The following WDFY3 variants were observed in gnomAD, a reference collection of about 807,000 sequenced individuals.
WDFY3 encodes WD repeat and FYVE domain-containing protein 3.
A neutral mutation model predicts 409.6 loss-of-function variants in WDFY3; 66 were observed. The ratio of observed to expected loss-of-function variants is 0.16; its 90% CI spans 0.13 to 0.20. The LOEUF (loss-of-function observed/expected upper bound fraction) is 0.20, where lower values mean the gene tolerates loss of function less well. WDFY3 is among the 10% of genes least tolerant of loss of function. The pLI is 1.00. For synonymous variants in WDFY3, 1,521 were observed against 1,537.1 expected (o/e 0.99, Z 0.25); for missense variants, 3,031 against 4,298.1 (o/e 0.71, Z 8.24).
intron 44 of WDFY3, among the ~76,000 whole-genome samples, chr4:84,729,679 T>C (rs1736257757): frequency 2.4e-5 from 1 of 42,256 alleles, no homozygotes; most frequent in Non-Finnish European, 5.8e-5. Flanking sequence ...AATAAAACTT[T>C]AATGAGTAAA....
chr4:84,835,096 G>A (rs1044674487), intron 7 of WDFY3, among the ~76,000 whole-genome samples: 1 of 152,080 alleles, frequency 6.6e-6, no homozygotes, highest in African/African-American at 2.4e-5. Context: ...GTCCCTTTTG[G>A]CCTTAATATT....
intron 3 of WDFY3, among the ~76,000 whole-genome samples, chr4:84,877,994 C>T (rs1015524536): frequency 6.6e-6 from 1 of 152,072 alleles, no homozygotes. Context: ...TAGAAGACAA[C>T]TTTGTTTTTT....
rs71670882 is a variant in WDFY3, at chr4:84,784,858, G to GTATA, written c.4062+1117_4062+1120dup. ...CATCTCAAAAAAAAAAAGTGTATAT[G>GTATA]TATATATATATATATATATATATAT... On this transcript the variant is annotated intron_variant, in intron 24 of 67. Coordinates refer to ENST00000295888, the MANE Select transcript of WDFY3 (RefSeq NM_014991.6). Among the ~76,000 whole-genome samples, 338 of 88,950 alleles carry GTATA rather than the reference G, an allele frequency of 3.8e-3. 5 individuals are homozygous for GTATA. Among genetic ancestry groups the GTATA allele is most frequent in the African/African-American group, 0.014 (272 of 20,024 alleles). The allele number at this position is 88,950 out of a possible 152,430, so 58.4% of individuals were successfully genotyped here.
intron 3 of WDFY3, among the ~76,000 whole-genome samples, chr4:84,895,561 GA>G (rs1160023698): frequency 4.6e-5 from 7 of 152,270 alleles, no homozygotes; most frequent in African/African-American, 1.7e-4. Context: ...GGCTTGCAGA[GA>G]AAAGCCAGTC....
intron 58 of WDFY3, among the ~76,000 whole-genome samples, chr4:84,695,626 C>T (rs1033809842): frequency 9.9e-5 from 15 of 151,798 alleles, no homozygotes; most frequent in Non-Finnish European, 2.9e-5. Flanking sequence ...CATGTCATTT[C>T]TCTGCCTAAA....
intron 1 of WDFY3, among the ~76,000 whole-genome samples, chr4:84,956,456 G>A (rs1416442615): frequency 6.6e-6 from 1 of 152,186 alleles, no homozygotes; most frequent in East Asian, 1.9e-4. Context: ...AAGAACAAGT[G>A]TCTTTTAATT....
intron 2 of WDFY3, among the ~76,000 whole-genome samples, chr4:84,920,201 A>T (rs1769091937): frequency 6.6e-6 from 1 of 152,214 alleles, no homozygotes. Flanking sequence ...AACGCAAGAT[A>T]TGATCATTGA....
chr4:84,755,196 C>G (rs1261944073), intron 34 of WDFY3, 70 bp downstream of exon 34: 2 of 1,575,078 alleles, frequency 1.3e-6, no homozygotes, highest in Non-Finnish European at 1.7e-6. Context: ...CCAAAAAATT[C>G]CTCTATTTAC....
intron 1 of WDFY3, among the ~76,000 whole-genome samples, chr4:84,950,319 G>A (rs535755450): frequency 3.8e-4 from 58 of 151,834 alleles, no homozygotes; most frequent in African/African-American, 1.4e-3. Context: ...AAACCTAGAT[G>A]ATGGGTTAAT....
chr4:84,784,942 C>G (rs1282531156), intron 24 of WDFY3, among the ~76,000 whole-genome samples: 2 of 144,900 alleles, frequency 1.4e-5, no homozygotes, highest in African/African-American at 2.6e-5. Flanking sequence ...AATCTGATCA[C>G]TTCTTATCAC....
chr4:84,819,109 GTCTA>G (rs1180622196), intron 12 of WDFY3, among the ~76,000 whole-genome samples: 3 of 152,008 alleles, frequency 2.0e-5, no homozygotes, highest in Non-Finnish European at 4.4e-5. Context: ...ATTCATTCAA[GTCTA>G]TCTTAGCATT....
Position 84,959,648 on chromosome 4 carries a change from T to C in WDFY3, c.-226+6561A>G, listed in dbSNP as rs568855101. On this transcript the variant is annotated intron_variant, in intron 1 of 67. Coordinates refer to ENST00000295888, the MANE Select transcript of WDFY3 (RefSeq NM_014991.6). ...ACAGCATTTACTCAAGCTGAGGAGA[T>C]AGGAGAAGAAAATACATTTTGGAAG... is the stretch of plus-strand genomic sequence containing the variant. 3.9e-5 allele frequency among the ~76,000 whole-genome samples: 6 copies of C among 152,242 alleles called. No homozygotes were observed. The South Asian group carries it at 8.3e-4, about 21-fold the overall frequency.
At chr4:84,831,313 G>A in intron 8 of WDFY3, 100 bp downstream of exon 8, 2 of 951,214 alleles carry the variant, frequency 2.1e-6, no homozygotes, top group Non-Finnish European at 2.8e-6. Flanking sequence ...TTATTTTAAA[G>A]AACAAGCTTT....
intron 1 of WDFY3, among the ~76,000 whole-genome samples, chr4:84,941,098 A>T (rs1772057431): frequency 6.6e-6 from 1 of 152,032 alleles, no homozygotes; most frequent in South Asian, 2.1e-4. Context: ...TTCTCTTTTT[A>T]ACATATACTA....
intron 32 of WDFY3, among the ~76,000 whole-genome samples, chr4:84,758,043 T>G (rs1171496494): frequency 6.6e-6 from 1 of 152,166 alleles, no homozygotes; most frequent in East Asian, 1.9e-4. Flanking sequence ...ATGGCATCAG[T>G]GTTTCCATCA....
intron 5 of WDFY3, 28 bp downstream of exon 5, chr4:84,849,874 C>A (rs1267854998): frequency 6.2e-7 from 1 of 1,603,920 alleles, no homozygotes; most frequent in Non-Finnish European, 8.5e-7. Context: ...TCAAACAAAT[C>A]AGTTTTTGCT....
intron 21 of WDFY3, among the ~76,000 whole-genome samples, chr4:84,790,189 A>C (rs994766670): frequency 6.6e-6 from 1 of 151,922 alleles, no homozygotes; most frequent in Non-Finnish European, 1.5e-5. Flanking sequence ...ATCTCTACTA[A>C]AAACACAAAA....
At chr4:84,711,441 A>C (rs1732873733) in intron 51 of WDFY3, among the ~76,000 whole-genome samples, 1 of 152,234 alleles carries the variant, frequency 6.6e-6, no homozygotes, top group South Asian at 2.1e-4. Flanking sequence ...AGATACGGAC[A>C]ATTTACAAAA....
chr4:84,898,787 C>G (rs151167430), intron 2 of WDFY3, among the ~76,000 whole-genome samples: 75 of 152,162 alleles, frequency 4.9e-4, no homozygotes, highest in African/African-American at 1.7e-3. Flanking sequence ...ATTCTGCATC[C>G]CTCAGAAAAA....
Sources: allele counts gnomAD v4.1 joint callset (sites outside exome capture counted in the v4.1 genomes callset), GRCh38; gene constraint gnomAD v4.1.1; transcripts MANE v1.5; gene names NCBI Gene and HGNC (gene_info 2026-07-23, HGNC 2026-07-21).